DLG2: variants seen among roughly 807,000 people sequenced by gnomAD.
DLG2 encodes the protein disks large homolog 2.
DLG2 carries 45 observed loss-of-function variants against 132.5 expected under a neutral mutation model. The ratio of observed to expected loss-of-function variants is 0.34; its 90% confidence interval spans 0.27 to 0.44. The LOEUF (loss-of-function observed/expected upper bound fraction) is 0.44, where lower values mean the gene tolerates loss of function less well. Ranked by LOEUF, DLG2 falls within the 20% of genes least tolerant of loss-of-function variation. The pLI is 1.00. For synonymous variants in DLG2, 424 were observed against 419.6 expected (o/e 1.01, Z -0.13); for missense variants, 1,045 against 1,196.9 (o/e 0.87, Z 1.87).
chr11:85,586,745 T>G (rs7951775), intron 3 of DLG2, among the ~76,000 whole-genome samples: 5,552 of 152,200 alleles, frequency 0.036, 157 homozygotes, highest in Admixed American at 0.053. Context: ...TAGGTTTGGG[T>G]TGGTTTTTCT....
chr11:84,311,456 G>A (rs1413122741), intron 7 of DLG2, among the ~76,000 whole-genome samples: 1 of 152,126 alleles, frequency 6.6e-6, no homozygotes, highest in East Asian at 1.9e-4. Context: ...GCTTAGAGAG[G>A]TTAAGCAAAT....
At chr11:84,534,758 G>C (rs752528370) in intron 6 of DLG2, 27 bp from the exon 7 acceptor site, 8 of 1,609,684 alleles carry the variant, frequency 5.0e-6, no homozygotes, top group Admixed American at 1.7e-5. Context: ...GAAAGGACAA[G>C]TATGTATATA....
intron 19 of DLG2, among the ~76,000 whole-genome samples, chr11:83,611,293 G>GGA (rs147170163): frequency 6.6e-6 from 1 of 151,630 alleles, no homozygotes; most frequent in South Asian, 2.1e-4. Flanking sequence ...GGGGGAAGGG[G>GGA]GAGAGAGAGA....
At chr11:83,939,784 C>T (rs978106939) in intron 14 of DLG2, among the ~76,000 whole-genome samples, 1 of 152,142 alleles carries the variant, frequency 6.6e-6, no homozygotes, top group Admixed American at 6.5e-5. Context: ...CATCTATATA[C>T]TTCTGTAGGC....
At chr11:83,887,451 T>C (rs2068263004) in intron 15 of DLG2, among the ~76,000 whole-genome samples, 3 of 152,026 alleles carry the variant, frequency 2.0e-5, no homozygotes, top group Non-Finnish European at 2.9e-5. Flanking sequence ...ATTGTGGCAA[T>C]AATCAATAGC....
At chr11:83,780,034 C>CA (rs1302877377) in intron 18 of DLG2, among the ~76,000 whole-genome samples, 3 of 152,216 alleles carry the variant, frequency 2.0e-5, no homozygotes, top group African/African-American at 7.2e-5. Context: ...GATCAAGATC[C>CA]ACAGCTGGAC....
intron 3 of DLG2, among the ~76,000 whole-genome samples, chr11:85,431,579 G>T (rs2091186204): frequency 6.6e-6 from 1 of 152,244 alleles, no homozygotes; most frequent in Non-Finnish European, 1.5e-5. Context: ...TAAGCCAGTT[G>T]AGCTCCTTGG....
intron 11 of DLG2, among the ~76,000 whole-genome samples, chr11:84,007,877 G>T (rs2094650645): frequency 6.6e-6 from 1 of 151,708 alleles, no homozygotes; most frequent in South Asian, 2.1e-4. Flanking sequence ...AATTAATTAT[G>T]ATAATGTATG....
intron 19 of DLG2, among the ~76,000 whole-genome samples, chr11:83,614,608 A>G (rs1590967167): frequency 6.6e-6 from 1 of 152,064 alleles, no homozygotes; most frequent in East Asian, 1.9e-4. Flanking sequence ...AGTTGCAGCT[A>G]GTAGGGAGGC....
At chr11:84,895,712 G>A (rs756119565) in intron 6 of DLG2, among the ~76,000 whole-genome samples, 1 of 152,104 alleles carries the variant, frequency 6.6e-6, no homozygotes, top group Non-Finnish European at 1.5e-5. Flanking sequence ...CTGTTTCTCT[G>A]AGGCAATATT....
intron 6 of DLG2, among the ~76,000 whole-genome samples, chr11:85,063,700 T>G (rs1215572987): frequency 6.6e-6 from 1 of 151,822 alleles, no homozygotes; most frequent in Non-Finnish European, 1.5e-5. Context: ...CATTCTTTCT[T>G]GAATAAAATA....
chr11:85,485,464 C>T (rs1204127347), intron 3 of DLG2, among the ~76,000 whole-genome samples: 1 of 152,150 alleles, frequency 6.6e-6, no homozygotes, highest in Non-Finnish European at 1.5e-5. Flanking sequence ...CTAGTACACA[C>T]CTCCTCCATG....
Position 83,779,469 on chromosome 11 carries a change from T to C in DLG2, c.1825+7221A>G, listed in dbSNP as rs181763736. ...AAGTGATGCAGTATGCCCGAGAAAG[T>C]GGTGAGGCTCCCTCAGAAATTTTTT... On this transcript the variant is annotated intron_variant, in intron 18 of 27. Transcript: ENST00000376104. Among the ~76,000 whole-genome samples the C allele has an allele frequency of 1.1e-3, 171 of 152,166 alleles. 1 individual carries two copies. Among genetic ancestry groups the C allele is most frequent in the African/African-American group, 3.9e-3 (161 of 41,548 alleles).
At chr11:84,099,788 G>GAT (rs1224424800) in intron 9 of DLG2, among the ~76,000 whole-genome samples, 2 of 132,974 alleles carry the variant, frequency 1.5e-5, no homozygotes, top group Non-Finnish European at 3.1e-5. Context: ...GCTTTCTAAA[G>GAT]ATATATATAT....
At chr11:84,415,988 C>A (rs1373983575) in intron 7 of DLG2, among the ~76,000 whole-genome samples, 2 of 151,988 alleles carry the variant, frequency 1.3e-5, no homozygotes, top group Non-Finnish European at 2.9e-5. Context: ...ATTTTAATTA[C>A]TATTTTGGGT....
chr11:85,263,835 A>C (rs2077067085), intron 4 of DLG2, among the ~76,000 whole-genome samples: 2 of 152,220 alleles, frequency 1.3e-5, no homozygotes, highest in African/African-American at 4.8e-5. Context: ...TCATAGGTGC[A>C]TCTGGCTGAA....
At chr11:84,451,367 T>C (rs1017347001) in intron 7 of DLG2, among the ~76,000 whole-genome samples, 40 of 151,908 alleles carry the variant, frequency 2.6e-4, no homozygotes, top group African/African-American at 9.7e-4. Flanking sequence ...AAGCAGATAA[T>C]TATTTTTTCT....
rs376731687 is a variant in DLG2 at position 84,218,355 on chromosome 11, A to G, written c.573+32883T>C. On this transcript the variant is annotated intron_variant, in intron 8 of 27. Transcript: ENST00000376104. ...GGAAAGAAGGGAAGGAAGGAAAGAG[A>G]GAGCGAGAGAAAGGGAGAAAGGGAG... Among the ~76,000 whole-genome samples, 11 of 123,266 alleles carry G rather than the reference A, an allele frequency of 8.9e-5. No homozygotes were observed. The South Asian group carries it at 4.1e-3, about 45-fold the overall frequency. 80.9% of individuals were successfully genotyped at this position (123,266 alleles called of 152,430 possible).
At chr11:83,545,505 C>T (rs192357528) in intron 19 of DLG2, among the ~76,000 whole-genome samples, 2 of 152,152 alleles carry the variant, frequency 1.3e-5, no homozygotes, top group Admixed American at 6.6e-5. Context: ...GGTAGTGTGC[C>T]GGACCCAAAG....
Sources: gnomAD v4.1 joint callset for allele counts (sites outside exome capture counted in the v4.1 genomes callset) on GRCh38, gnomAD v4.1.1 for gene constraint, MANE v1.5 for transcripts, NCBI Gene and HGNC (gene_info 2026-07-23, HGNC 2026-07-21) for gene names.